Variants in ROBO1 observed in about 807,000 individuals in gnomAD.
ROBO1 encodes roundabout guidance receptor 1.
A neutral mutation model predicts 195.9 loss-of-function variants in ROBO1; 149 were observed. The observed-to-expected ratio is 0.76, with a 90% confidence interval of 0.67 to 0.87. ROBO1 has a LOEUF of 0.87. Among genes scored for constraint, ROBO1 ranks in the 40% least tolerant of loss-of-function variants. The pLI is 0.00. For synonymous variants in ROBO1, 816 were observed against 733.2 expected, an observed-to-expected ratio of 1.11 and a Z score of -1.82; for missense variants, 1,933 against 2,068.3, an observed-to-expected ratio of 0.93 and a Z score of 1.27.
intron 2 of ROBO1, among the ~76,000 whole-genome samples, chr3:79,436,880 C>T (rs763300919): frequency 5.3e-5 from 8 of 152,000 alleles, no homozygotes; most frequent in Admixed American, 5.3e-4. Flanking sequence ...ATTCATCCCA[C>T]GCCCCTAACA....
intron 4 of ROBO1, among the ~76,000 whole-genome samples, chr3:78,869,750 C>T (rs1465132566): frequency 6.6e-6 from 1 of 152,114 alleles, no homozygotes; most frequent in Non-Finnish European, 1.5e-5. Flanking sequence ...TGGGCCGCCA[C>T]CCCTGGCCTG....
chr3:78,769,411 G>GAAATGCCTT (rs1442392623), intron 4 of ROBO1, among the ~76,000 whole-genome samples: 1 of 152,156 alleles, frequency 6.6e-6, no homozygotes, highest in Non-Finnish European at 1.5e-5. Context: ...CCATTTGCAT[G>GAAATGCCTT]AAATGCCTTT....
At chr3:79,089,439 T>C (rs930451962) in intron 3 of ROBO1, among the ~76,000 whole-genome samples, 18 of 152,174 alleles carry the variant, frequency 1.2e-4, no homozygotes, top group African/African-American at 4.3e-4. Flanking sequence ...TTAACTAACT[T>C]TACACTTACA....
At position 79,135,193 on chromosome 3, in the gene ROBO1, C is replaced by T. The variant is rs187167172; in HGVS notation, c.89-9654G>A. On this transcript the variant is annotated intron_variant, in intron 2 of 30. Coordinates refer to ENST00000464233, the MANE Select transcript of ROBO1 (RefSeq NM_002941.4). Reference sequence around the variant, plus strand: ...GTCCTTTGGCCAGCATCTCCCCAAACCCCCACATCTATTAAGTGAAAAATT... The same window carrying T: ...GTCCTTTGGCCAGCATCTCCCCAAATCCCCACATCTATTAAGTGAAAAATT... 9.9e-3 allele frequency among the ~76,000 whole-genome samples: 1,504 copies of T among 152,226 alleles called. 25 individuals carry two copies. Among genetic ancestry groups the T allele is most frequent in the African/African-American group, 0.034 (1,425 of 41,520 alleles).
intron 25 of ROBO1, 120 bp downstream of exon 25, chr3:78,631,041 G>A (rs1705148133): frequency 9.3e-7 from 1 of 1,079,126 alleles, no homozygotes; most frequent in Non-Finnish European, 1.3e-6. Flanking sequence ...TTTATTTAAA[G>A]GCAACTGTTT....
intron 2 of ROBO1, among the ~76,000 whole-genome samples, chr3:79,345,757 T>C (rs1016797428): frequency 1.3e-5 from 2 of 152,186 alleles, no homozygotes; most frequent in Admixed American, 6.5e-5. Flanking sequence ...TACCCTGCCA[T>C]ACATTCCAGG....
chr3:78,731,685 T>C (rs542073946), intron 5 of ROBO1, among the ~76,000 whole-genome samples: 12 of 152,274 alleles, frequency 7.9e-5, no homozygotes, highest in Middle Eastern at 6.8e-3. Flanking sequence ...TATTTTATAC[T>C]GCATTATAGC....
intron 3 of ROBO1, among the ~76,000 whole-genome samples, chr3:79,103,784 A>C (rs534541736): frequency 1.3e-5 from 2 of 151,954 alleles, no homozygotes; most frequent in Non-Finnish European, 2.9e-5. Flanking sequence ...TAAAAATTAC[A>C]GTTAGTAAAT....
rs752891656 is a variant in ROBO1 at position 78,746,904 on chromosome 3, T to C, written c.500-4A>G. 11 of 1,543,568 alleles carry C rather than the reference T, an allele frequency of 7.1e-6. No homozygotes were observed. Among genetic ancestry groups the C allele is most frequent in the East Asian group, 2.3e-5 (1 of 43,654 alleles). On this transcript the variant is annotated splice_polypyrimidine_tract_variant and splice_region_variant and intron_variant, in intron 4 of 30. Transcript: ENST00000464233. ...TGTCTGAAGTCATCCCGAAGTACTG[T>C]AGGAACAAGATTAAATCATTATACC...
chr3:79,472,304 G>A (rs1575873947), intron 2 of ROBO1, among the ~76,000 whole-genome samples: 1 of 152,044 alleles, frequency 6.6e-6, no homozygotes, highest in Non-Finnish European at 1.5e-5. Flanking sequence ...TTCAGAGGGG[G>A]CCAAGAAATG....
At chr3:79,180,074 A>G (rs187351853) in intron 2 of ROBO1, among the ~76,000 whole-genome samples, 1 of 152,236 alleles carries the variant, frequency 6.6e-6, no homozygotes, top group Non-Finnish European at 1.5e-5. Flanking sequence ...TTGAGTCGTG[A>G]CTTCTAGTAA....
intron 3 of ROBO1, among the ~76,000 whole-genome samples, chr3:78,960,698 A>G (rs555505946): frequency 6.6e-6 from 1 of 151,114 alleles, no homozygotes; most frequent in South Asian, 2.1e-4. Context: ...AATTGCTTGA[A>G]CCCAGGAGGC....
intron 1 of ROBO1, among the ~76,000 whole-genome samples, chr3:79,682,464 T>G (rs1423256504): frequency 6.6e-6 from 1 of 151,958 alleles, no homozygotes; most frequent in Non-Finnish European, 1.5e-5. Context: ...AAAAACAAAT[T>G]ATGGACACCA....
At chr3:79,352,225 C>T (rs1047344449) in intron 2 of ROBO1, among the ~76,000 whole-genome samples, 1 of 152,144 alleles carries the variant, frequency 6.6e-6, no homozygotes, top group South Asian at 2.1e-4. Flanking sequence ...AAATAAATTT[C>T]TGAACAATGT....
intron 2 of ROBO1, among the ~76,000 whole-genome samples, chr3:79,322,113 G>T (rs1164953536): frequency 6.6e-6 from 1 of 152,094 alleles, no homozygotes; most frequent in African/African-American, 2.4e-5. Flanking sequence ...AGCTGCTGTG[G>T]CTTTGCTTTA....
At chr3:79,498,294 C>CATAT (rs1939860020) in intron 2 of ROBO1, among the ~76,000 whole-genome samples, 1 of 151,608 alleles carries the variant, frequency 6.6e-6, no homozygotes, top group Non-Finnish European at 1.5e-5. Flanking sequence ...TTTATACCGC[C>CATAT]ATATGGAAGA....
At chr3:78,698,182 A>G (rs2081343677) in intron 8 of ROBO1, among the ~76,000 whole-genome samples, 1 of 152,200 alleles carries the variant, frequency 6.6e-6, no homozygotes, top group Non-Finnish European at 1.5e-5. Flanking sequence ...TGGAAGAAAC[A>G]CATTTTTATT....
chr3:79,447,031 A>C (rs1178239494), intron 2 of ROBO1, among the ~76,000 whole-genome samples: 1 of 151,490 alleles, frequency 6.6e-6, no homozygotes. Context: ...GGGTTTCACC[A>C]TGTTGGCCAG....
intron 3 of ROBO1, chr3:79,018,577 T>G (rs2078016130): frequency 6.6e-7 from 1 of 1,513,330 alleles, no homozygotes; most frequent in Non-Finnish European, 8.9e-7. Flanking sequence ...GCAACGTGGG[T>G]CAATTAGCCA....
Sources: gnomAD v4.1 joint callset for allele counts (sites outside exome capture counted in the v4.1 genomes callset) on GRCh38, gnomAD v4.1.1 for gene constraint, MANE v1.5 for transcripts, NCBI Gene and HGNC (gene_info 2026-07-23, HGNC 2026-07-21) for gene names.